Variants in HSDL1 observed in about 807,000 individuals in gnomAD.
The protein encoded by HSDL1 is inactive hydroxysteroid dehydrogenase-like protein 1.
In HSDL1, 29 loss-of-function variants were observed where a neutral mutation model predicts 31.5. The ratio of observed to expected loss-of-function variants is 0.92; its 90% CI spans 0.69 to 1.26. The LOEUF (loss-of-function observed/expected upper bound fraction) is 1.26. Among genes scored for constraint, HSDL1 ranks in the 50% most tolerant of loss-of-function variants. HSDL1 has a pLI of 0.00. For synonymous variants in HSDL1, 222 were observed against 155.2 expected, an observed-to-expected ratio of 1.43 and a Z score of -3.20; for missense variants, 503 against 416.6, an observed-to-expected ratio of 1.21 and a Z score of -1.81.
intron 1 of HSDL1, among the ~76,000 whole-genome samples, chr16:84,137,154 C>A (rs3809618): frequency 0.3 from 46,241 of 152,064 alleles, 7,396 homozygotes; most frequent in African/African-American, 0.42. Flanking sequence ...GAAAGATAAA[C>A]GGAGCAACTG....
chr16:84,129,872 T>C (rs989909657), intron 4 of HSDL1, 97 bp from the exon 5 acceptor site: 2 of 1,407,874 alleles, frequency 1.4e-6, no homozygotes, highest in Middle Eastern at 1.8e-4. Flanking sequence ...CAGGAAAAAA[T>C]ACAGGATAAG....
intron 5 of HSDL1, among the ~76,000 whole-genome samples, chr16:84,125,496 A>G (rs1479623291): frequency 6.6e-6 from 1 of 151,670 alleles, no homozygotes; most frequent in Non-Finnish European, 1.5e-5. Context: ...ATCGATCCCA[A>G]CAAATACCCA....
rs71148881 is a variant in HSDL1, at chr16:84,127,209, CTTTTT to C, written c.894+2334_894+2338del. The stretch of plus-strand genomic sequence containing the variant: ...AACTACTTAAATAAAACTGTTTCTT[CTTTTT>C]TTTTTTTTTTTTTTTTTTTTGAGAT... On this transcript the variant is annotated intron_variant, in intron 5 of 5. Transcript: ENST00000219439. 7.6e-3 allele frequency among the ~76,000 whole-genome samples: 712 copies of C among 93,338 alleles called. 3 individuals carry two copies. The highest frequency in any genetic ancestry group is 0.019 in the Middle Eastern group (3 of 154). The allele number at this position is 93,338 out of a possible 152,430, so 61.2% of individuals were successfully genotyped here. A position where few individuals can be genotyped will look rare whatever the true frequency, so the allele number is the denominator to read the frequency against.
chr16:84,126,729 C>CA (rs1159414156), intron 5 of HSDL1, among the ~76,000 whole-genome samples: 2 of 135,072 alleles, frequency 1.5e-5, no homozygotes, highest in Non-Finnish European at 3.4e-5. Context: ...GGAGGACACA[C>CA]CCACACCCAC....
intron 2 of HSDL1, among the ~76,000 whole-genome samples, chr16:84,132,789 C>T (rs374939990): frequency 1.0e-3 from 155 of 152,186 alleles, no homozygotes; most frequent in Middle Eastern, 3.4e-3. Flanking sequence ...CTAAACCAAC[C>T]GTGTGCATCC....
At chr16:84,132,696 A>G (rs2086679775) in intron 2 of HSDL1, among the ~76,000 whole-genome samples, 1 of 152,238 alleles carries the variant, frequency 6.6e-6, no homozygotes, top group Non-Finnish European at 1.5e-5. Flanking sequence ...TGTGCCTGCA[A>G]TCAGAGATAA....
At chr16:84,127,812 G>A (rs1245654995) in intron 5 of HSDL1, among the ~76,000 whole-genome samples, 4 of 147,654 alleles carry the variant, frequency 2.7e-5, no homozygotes, top group East Asian at 4.2e-4. Flanking sequence ...TCTGCCTCCC[G>A]GGTTCACGCC....
In HSDL1 at chr16:84,130,335, AC is replaced by A; in HGVS notation, c.316del (p.Val106LeufsTer6). ...LISRNEEKLQ[V>X]VAKDIADTYK... ...CGTGTCGGCTATGTCTTTAGCAACA[AC>A]CTGCAACTTCTCCTCGTTCCGACTA... On this transcript the variant is annotated frameshift_variant, in exon 4 of 6. Transcript: ENST00000219439. LOFTEE classifies it high-confidence loss of function. The A allele has an allele frequency of 1.2e-6, 2 of 1,614,176 alleles. No individual in the cohort carries two copies. Among genetic ancestry groups the A allele is most frequent in the Non-Finnish European group, 1.7e-6 (2 of 1,180,024 alleles).
chr16:84,142,819 T>C (rs2086781099), intron 1 of HSDL1, among the ~76,000 whole-genome samples: 2 of 152,182 alleles, frequency 1.3e-5, no homozygotes, highest in South Asian at 4.1e-4. Context: ...CTGCTTTGTG[T>C]TCAAAGCTCA....
chr16:84,130,064 C>G lies in HSDL1; in HGVS notation c.588G>C (p.Lys196Asn). Reference sequence around the variant, plus strand: ...AAGAGATCGTGACGATGGCACCTTTCTTTCTCTCCACCATTCCCGGTAACA... The same window carrying G: ...AAGAGATCGTGACGATGGCACCTTTGTTTCTCTCCACCATTCCCGGTAACA... ...HVVLPGMVER[K>N]KGAIVTISSG... The change falls in exon 4 of 6, where the codon AAG becomes AAC. Residue 196 changes from lysine (K) to asparagine (N), a missense_variant. Lys to Asn is a moderately conservative substitution (Grantham distance 94, BLOSUM62 0). Coordinates refer to ENST00000219439, the MANE Select transcript of HSDL1 (RefSeq NM_031463.5). 1 of 1,614,194 alleles carries G rather than the reference C, an allele frequency of 6.2e-7. No individual in the cohort carries two copies. Among genetic ancestry groups the G allele is most frequent in the East Asian group, 2.2e-5 (1 of 44,888 alleles).
intron 1 of HSDL1, among the ~76,000 whole-genome samples, chr16:84,141,362 G>T (rs1055005535): frequency 1.3e-5 from 2 of 151,168 alleles, no homozygotes; most frequent in African/African-American, 4.9e-5. Context: ...GATACACCAC[G>T]ATTCACAGGT....
intron 2 of HSDL1, among the ~76,000 whole-genome samples, 199 bp from the exon 3 acceptor site, chr16:84,131,526 T>A (rs113713111): frequency 0.12 from 18,421 of 147,368 alleles, 1,353 homozygotes; most frequent in Non-Finnish European, 0.18. Context: ...TCTATCTATC[T>A]ATCTATCAGA....
At chr16:84,131,414 G>A (rs919249083) in intron 2 of HSDL1, 87 bp from the exon 3 acceptor site, 4 of 897,452 alleles carry the variant, frequency 4.5e-6, no homozygotes, top group Admixed American at 3.9e-5. Context: ...CCAGCTGAGG[G>A]CATCAGATCT....
At chr16:84,142,301 T>C (rs2086775808) in intron 1 of HSDL1, among the ~76,000 whole-genome samples, 1 of 152,172 alleles carries the variant, frequency 6.6e-6, no homozygotes, top group South Asian at 2.1e-4. Flanking sequence ...CAGAAATCCC[T>C]CCTTAGCCTC....
chr16:84,136,678 T>G (rs201380698), intron 1 of HSDL1, among the ~76,000 whole-genome samples: 5 of 152,378 alleles, frequency 3.3e-5, no homozygotes, highest in African/African-American at 1.2e-4. Flanking sequence ...AAGCCCATCA[T>G]GGCCCAGCTT....
At chr16:84,143,371 T>G (rs1393746807) in intron 1 of HSDL1, among the ~76,000 whole-genome samples, 5 of 152,216 alleles carry the variant, frequency 3.3e-5, no homozygotes. Context: ...TGTTGTATGT[T>G]TCCACTTGTA....
chr16:84,130,235 G>A lies in HSDL1; in HGVS notation c.417C>T (p.Ala139=), dbSNP rs1377993411. Residue 139 remains alanine, a synonymous_variant, in exon 4 of 6, where the codon GCC becomes GCT. Transcript: ENST00000219439. ...AGATGCCAACGTCTTTGTCCTTCAG[G>A]GCTTCTCGAATTGGAAGGTAGATCT... ...GREIYLPIRE[A]LKDKDVGILV... is the part of the protein sequence containing the mutation. 2 of 1,614,040 alleles carry A rather than the reference G, an allele frequency of 1.2e-6. No homozygotes were observed. The highest frequency in any genetic ancestry group is 2.7e-5 in the African/African-American group (2 of 74,906).
intron 2 of HSDL1, among the ~76,000 whole-genome samples, chr16:84,134,337 T>C (rs1240513549): frequency 9.9e-5 from 15 of 152,096 alleles, no homozygotes. Context: ...AAAACTGACA[T>C]TCCAGCCAGG....
In HSDL1 at chr16:84,130,316, G is replaced by T; in HGVS notation, c.336C>A (p.Ala112=). The T allele has an allele frequency of 6.2e-7, 1 of 1,614,134 alleles. No individual in the cohort carries two copies. The highest frequency in any genetic ancestry group is 8.5e-7 in the Non-Finnish European group (1 of 1,180,030). Residue 112 remains alanine (A), a synonymous_variant, in exon 4 of 6, where the codon GCC becomes GCA. Coordinates refer to ENST00000219439, the MANE Select transcript of HSDL1 (RefSeq NM_031463.5). The part of the protein sequence containing the change: ...EKLQVVAKDI[A]DTYKVETDII... ...TATCAGTTTCCACTTTGTACGTGTCGGCTATGTCTTTAGCAACAACCTGCA... is the reference window on the plus strand; with the variant it reads ...TATCAGTTTCCACTTTGTACGTGTCTGCTATGTCTTTAGCAACAACCTGCA...
Sources: gnomAD v4.1 joint callset for allele counts (sites outside exome capture counted in the v4.1 genomes callset) on GRCh38, gnomAD v4.1.1 for gene constraint, MANE v1.5 for transcripts, NCBI Gene and HGNC (gene_info 2026-07-23, HGNC 2026-07-21) for gene names.